TMEM232: variants seen among roughly 807,000 people sequenced by gnomAD.
TMEM232 encodes the protein transmembrane protein 232.
In TMEM232, 80 loss-of-function variants were observed where a neutral mutation model predicts 78.8. The ratio of observed to expected loss-of-function variants is 1.01; its 90% CI spans 0.85 to 1.22. TMEM232 has a LOEUF of 1.22. Among genes scored for constraint, TMEM232 ranks in the 50% most tolerant of loss-of-function variants. TMEM232 has a pLI of 0.00. For synonymous variants in TMEM232, 297 were observed against 254.3 expected (o/e 1.17, Z -1.60); for missense variants, 881 against 742.2 (o/e 1.19, Z -2.17).
intron 10 of TMEM232, among the ~76,000 whole-genome samples, chr5:110,578,177 A>T (rs1777781940): frequency 6.6e-6 from 1 of 152,010 alleles, no homozygotes; most frequent in Admixed American, 6.6e-5. Context: ...TAATAAATAA[A>T]CTACAGGAAT....
At chr5:110,441,622 C>G (rs1365329526) in intron 12 of TMEM232, among the ~76,000 whole-genome samples, 1 of 152,098 alleles carries the variant, frequency 6.6e-6, no homozygotes, top group African/African-American at 2.4e-5. Context: ...TATAGCGTTT[C>G]TATAATTGTG....
chr5:110,670,593 C>T (rs1791229423), intron 1 of TMEM232, among the ~76,000 whole-genome samples: 1 of 151,900 alleles, frequency 6.6e-6, no homozygotes, highest in Admixed American at 6.6e-5. Flanking sequence ...TCTAATAATC[C>T]ACATGCATCA....
intron 13 of TMEM232, among the ~76,000 whole-genome samples, chr5:110,423,307 A>G (rs1345668119): frequency 6.6e-6 from 1 of 152,204 alleles, no homozygotes; most frequent in Non-Finnish European, 1.5e-5. Flanking sequence ...ACTGAATTGT[A>G]AGCAAGTTTG....
At chr5:110,570,058 A>G (rs1383579591) in intron 10 of TMEM232, among the ~76,000 whole-genome samples, 2 of 151,982 alleles carry the variant, frequency 1.3e-5, no homozygotes, top group Non-Finnish European at 2.9e-5. Context: ...TTTACAAGTA[A>G]TAGGAGGAAG....
intron 11 of TMEM232, among the ~76,000 whole-genome samples, chr5:110,541,116 A>G (rs1773047966): frequency 6.6e-6 from 1 of 152,148 alleles, no homozygotes; most frequent in Admixed American, 6.6e-5. Context: ...CAAACAGCCC[A>G]ATGGAGAATT....
intron 12 of TMEM232, among the ~76,000 whole-genome samples, chr5:110,503,018 T>C (rs1338444471): frequency 2.0e-5 from 3 of 152,234 alleles, no homozygotes; most frequent in Admixed American, 1.3e-4. Flanking sequence ...TTATAAGCTA[T>C]GTAAAGTTGG....
chr5:110,524,400 A>G (rs1489533968), intron 12 of TMEM232, among the ~76,000 whole-genome samples: 1 of 69,302 alleles, frequency 1.4e-5, no homozygotes, highest in Non-Finnish European at 2.8e-5. Flanking sequence ...AGAAAGAAAG[A>G]AAGAAAGAAA....
chr5:110,553,779 C>A (rs1774742398), intron 11 of TMEM232, among the ~76,000 whole-genome samples: 1 of 152,150 alleles, frequency 6.6e-6, no homozygotes, highest in Admixed American at 6.6e-5. Context: ...TGACAGTGGG[C>A]ATCCTTGTCT....
chr5:110,650,945 T>C (rs1788217808), intron 2 of TMEM232, among the ~76,000 whole-genome samples: 1 of 152,176 alleles, frequency 6.6e-6, no homozygotes, highest in Non-Finnish European at 1.5e-5. Flanking sequence ...CTTACATTTC[T>C]AAAACTGTTC....
chr5:110,458,814 A>C (rs1452586857), intron 12 of TMEM232, among the ~76,000 whole-genome samples: 3 of 152,176 alleles, frequency 2.0e-5, no homozygotes, highest in Non-Finnish European at 4.4e-5. Context: ...GGATGAAATA[A>C]TGAGTTTATT....
chr5:110,708,124 C>CA (rs1468036720), intron 1 of TMEM232, among the ~76,000 whole-genome samples: 2 of 152,082 alleles, frequency 1.3e-5, no homozygotes, highest in Admixed American at 6.6e-5. Flanking sequence ...CTTCTCTCTG[C>CA]AAAAAAGCAG....
intron 10 of TMEM232, among the ~76,000 whole-genome samples, chr5:110,581,576 C>T (rs1227463926): frequency 6.6e-6 from 1 of 151,754 alleles, no homozygotes; most frequent in Non-Finnish European, 1.5e-5. Flanking sequence ...AGAAGAAAAC[C>T]TAAGAAATGC....
intron 10 of TMEM232, among the ~76,000 whole-genome samples, chr5:110,599,201 A>G (rs1279405125): frequency 1.3e-5 from 2 of 152,144 alleles, no homozygotes; most frequent in Admixed American, 6.6e-5. Flanking sequence ...GACCAGTACC[A>G]GCCCCTGCAA....
At chr5:110,608,506 A>T (rs1433164261) in intron 8 of TMEM232, among the ~76,000 whole-genome samples, 1 of 151,924 alleles carries the variant, frequency 6.6e-6, no homozygotes, top group East Asian at 1.9e-4. Flanking sequence ...TTTCCCCTGA[A>T]TATATTTCAT....
At chr5:110,404,926 G>T (rs1471390491) in intron 2 of TMEM232, among the ~76,000 whole-genome samples, 2 of 152,000 alleles carry the variant, frequency 1.3e-5, no homozygotes, top group Non-Finnish European at 2.9e-5. Flanking sequence ...GATGGCAGGA[G>T]ATATTTGAAT....
intron 10 of TMEM232, among the ~76,000 whole-genome samples, chr5:110,576,924 T>C (rs1005247821): frequency 2.0e-5 from 3 of 151,978 alleles, no homozygotes; most frequent in African/African-American, 7.2e-5. Context: ...CCCAAAACTA[T>C]GAAAATCCTG....
At chr5:110,598,268 C>G (rs186732102) in intron 10 of TMEM232, among the ~76,000 whole-genome samples, 61 of 152,256 alleles carry the variant, frequency 4.0e-4, no homozygotes, top group Non-Finnish European at 4.4e-5. Context: ...AAATGCTCAT[C>G]ATCACTGGCC....
chr5:110,667,400 T>C, intron 1 of TMEM232, 36 bp from the exon 2 acceptor site: 2 of 1,435,668 alleles, frequency 1.4e-6, no homozygotes, highest in Non-Finnish European at 1.8e-6. Flanking sequence ...AGCATACAAA[T>C]GCACTCATAG....
At chr5:110,496,358 T>C (rs1455513053) in intron 12 of TMEM232, among the ~76,000 whole-genome samples, 1 of 152,028 alleles carries the variant, frequency 6.6e-6, no homozygotes, top group Non-Finnish European at 1.5e-5. Flanking sequence ...ATGAAGCTCA[T>C]GAACACTATT....
Sources: gnomAD v4.1 joint callset for allele counts (sites outside exome capture counted in the v4.1 genomes callset) on GRCh38, gnomAD v4.1.1 for gene constraint, MANE v1.5 for transcripts, NCBI Gene and HGNC (gene_info 2026-07-23, HGNC 2026-07-21) for gene names.